SIAE: variants seen among roughly 807,000 people sequenced by gnomAD.
SIAE encodes sialic acid acetylesterase, also known as sialate O-acetylesterase.
Under a neutral mutation model 52.6 loss-of-function variants are expected in SIAE, and 39 were observed. The ratio of observed to expected loss-of-function variants is 0.74; its 90% CI spans 0.57 to 0.97. SIAE has a LOEUF of 0.97. Ranked by LOEUF, SIAE falls within the 50% of genes least tolerant of loss-of-function variation. The pLI, the probability that SIAE is intolerant of heterozygous loss-of-function variation, is 0.00. For missense variants in SIAE, 592 were observed against 662.1 expected (o/e 0.89, Z 1.16); for synonymous variants, 233 against 241.4 (o/e 0.97, Z 0.32).
intron 2 of SIAE, among the ~76,000 whole-genome samples, chr11:124,665,222 G>C (rs1187444406): frequency 6.6e-6 from 1 of 152,220 alleles, no homozygotes; most frequent in Non-Finnish European, 1.5e-5. Context: ...CAAAGGCAAT[G>C]AGATGTCACT....
intron 2 of SIAE, among the ~76,000 whole-genome samples, chr11:124,666,596 A>G (rs562591982): frequency 6.6e-6 from 1 of 152,354 alleles, no homozygotes; most frequent in African/African-American, 2.4e-5. Flanking sequence ...AATTATCATC[A>G]GTATCCATGA....
rs747455125 is a variant in SIAE, at chr11:124,645,949, T to C, written c.966+1416A>G. Among the ~76,000 whole-genome samples, 73 of 152,208 alleles carry C rather than the reference T, an allele frequency of 4.8e-4. No homozygotes were observed. Among genetic ancestry groups the C allele is most frequent in the Middle Eastern group, 3.4e-3 (1 of 294 alleles). ...GGACAAGGTAGGGGAGTGGGGAGGA[T>C]GGTGAGAAGTCATCTGTGGGGCGTG... On this transcript the variant is annotated intron_variant, in intron 7 of 9. Coordinates refer to ENST00000263593, the MANE Select transcript of SIAE (RefSeq NM_170601.5). The surrounding 1 kb of genome is among the most constrained non-coding windows in gnomAD (Gnocchi z 4.7).
intron 3 of SIAE, among the ~76,000 whole-genome samples, chr11:124,655,392 G>T (rs539757521): frequency 3.2e-4 from 48 of 152,224 alleles, no homozygotes; most frequent in Admixed American, 1.3e-3. Flanking sequence ...AGCCCGGATG[G>T]TCTCAATCTC....
chr11:124,647,497 C>T lies in SIAE; in HGVS notation c.834G>A (p.Gly278=). The T allele has an allele frequency of 6.2e-7, 1 of 1,614,016 alleles. No individual in the cohort carries two copies. Among genetic ancestry groups the T allele is most frequent in the South Asian group, 1.1e-5 (1 of 91,070 alleles). The change falls in exon 7 of 10, where the codon GGG becomes GGA. Residue 278 remains glycine, a splice_region_variant and synonymous_variant. Coordinates refer to ENST00000263593, the MANE Select transcript of SIAE (RefSeq NM_170601.5). The part of the protein sequence containing the change: ...MTLKGVVWYQ[G]ESNINYNTDL... The stretch of plus-strand genomic sequence containing the variant: ...CCGTGTTATAATTTATATTGGACTC[C>T]CCTAAAAACAGTCCAAATTGTAAAG...
chr11:124,654,607 G>A (rs1284989310), intron 4 of SIAE, 48 bp downstream of exon 4: 2 of 1,613,660 alleles, frequency 1.2e-6, no homozygotes, highest in South Asian at 1.1e-5. Context: ...TTCCACTTAG[G>A]GCGCTAACCC....
At chr11:124,637,676 A>G (rs1054139689) in intron 9 of SIAE, among the ~76,000 whole-genome samples, 2 of 152,230 alleles carry the variant, frequency 1.3e-5, no homozygotes, top group African/African-American at 2.4e-5. Flanking sequence ...AATACAAATT[A>G]TCCAGACCAC....
chr11:124,654,094 T>C, intron 4 of SIAE: 2 of 394,472 alleles, frequency 5.1e-6, no homozygotes, highest in Non-Finnish European at 6.9e-6. Flanking sequence ...GGGGAATCAC[T>C]TGAACCCAGG....
At chr11:124,651,351 G>C (rs967077375) in intron 4 of SIAE, among the ~76,000 whole-genome samples, 1 of 152,058 alleles carries the variant, frequency 6.6e-6, no homozygotes, top group Admixed American at 6.5e-5. Context: ...TTCGAGACCA[G>C]CCTGACCAAC....
intron 4 of SIAE, chr11:124,654,084 G>A (rs914138429): frequency 3.3e-6 from 1 of 300,272 alleles, no homozygotes; most frequent in African/African-American, 2.3e-5. Context: ...GGCTGAGGCA[G>A]GGGAATCACT....
intron 3 of SIAE, 41 bp from the exon 4 acceptor site, chr11:124,654,834 T>C: frequency 6.2e-7 from 1 of 1,611,056 alleles, no homozygotes; most frequent in Non-Finnish European, 8.5e-7. Context: ...TAGCAGGTGG[T>C]GAACTAGCCT....
At chr11:124,674,978 A>T (rs2134403243), upstream of SIAE, 1 of 235,564 alleles carries the variant, frequency 4.2e-6, no homozygotes, top group Admixed American at 5.3e-5. Flanking sequence ...TAAAGAGAGA[A>T]AAAGTCATAT....
At chr11:124,667,745 T>C (rs370656648) in intron 2 of SIAE, among the ~76,000 whole-genome samples, 3 of 152,312 alleles carry the variant, frequency 2.0e-5, no homozygotes, top group East Asian at 1.9e-4. Context: ...CATCCAGCCC[T>C]GAGCATGCCT....
chr11:124,644,351 G>GAAAAAAAAAAAAA lies in SIAE; in HGVS notation c.966+3013_966+3014insTTTTTTTTTTTTT, dbSNP rs766691334. 2.5e-3 allele frequency among the ~76,000 whole-genome samples: 246 copies of GAAAAAAAAAAAAA among 98,938 alleles called. 19 individuals are homozygous for GAAAAAAAAAAAAA. Among genetic ancestry groups the GAAAAAAAAAAAAA allele is most frequent in the African/African-American group, 8.8e-3 (221 of 25,124 alleles). 64.9% of individuals were successfully genotyped at this position (98,938 alleles called of 152,430 possible). ...AACGCCACAGGAAAGAGTCTGTGGT[G>GAAAAAAAAAAAAA]AGAAAAAAAAAAAAAAAAAAAAACT... On this transcript the variant is annotated intron_variant, in intron 7 of 9. Transcript: ENST00000263593.
chr11:124,638,950 T>C (rs1340686892), intron 8 of SIAE, among the ~76,000 whole-genome samples: 1 of 151,848 alleles, frequency 6.6e-6, no homozygotes, highest in Non-Finnish European at 1.5e-5. Context: ...CTTGAAATAA[T>C]AGATGACTTG....
intron 2 of SIAE, among the ~76,000 whole-genome samples, chr11:124,669,074 C>T (rs1943312654): frequency 6.6e-6 from 1 of 152,208 alleles, no homozygotes; most frequent in South Asian, 2.1e-4. Context: ...AGACACCCCA[C>T]ATGTACCTTC....
At chr11:124,657,222 T>C (rs1365821617) in intron 3 of SIAE, among the ~76,000 whole-genome samples, 1 of 152,214 alleles carries the variant, frequency 6.6e-6, no homozygotes, top group Non-Finnish European at 1.5e-5. Context: ...CAGACCTGTT[T>C]GTTCAGGATC....
At chr11:124,671,886 C>G (rs1165242730) in intron 1 of SIAE, among the ~76,000 whole-genome samples, 1 of 151,684 alleles carries the variant, frequency 6.6e-6, no homozygotes, top group Non-Finnish European at 1.5e-5. Context: ...CTCAGCCTCC[C>G]GAGTAGCTGA....
intron 9 of SIAE, 122 bp from the exon 10 acceptor site, chr11:124,637,324 C>G: frequency 7.1e-7 from 1 of 1,401,440 alleles, no homozygotes; most frequent in Non-Finnish European, 1.0e-6. Context: ...AGGACCTACT[C>G]CTACAGTAAG....
intron 7 of SIAE, among the ~76,000 whole-genome samples, chr11:124,640,510 CT>C (rs1942827458): frequency 6.6e-6 from 1 of 152,120 alleles, no homozygotes; most frequent in Non-Finnish European, 1.5e-5. Context: ...GTTTAAGCCC[CT>C]AAGTTTTGGG....
Sources: allele counts gnomAD v4.1 joint callset (sites outside exome capture counted in the v4.1 genomes callset), GRCh38; gene constraint gnomAD v4.1.1; non-coding constraint Gnocchi (gnomAD v3.1); transcripts MANE v1.5; gene names NCBI Gene and HGNC (gene_info 2026-07-23, HGNC 2026-07-21).